ENGASE: variants seen among roughly 807,000 people sequenced by gnomAD.
ENGASE encodes cytosolic endo-beta-N-acetylglucosaminidase.
A neutral mutation model predicts 78.5 loss-of-function variants in ENGASE; 69 were observed. The observed-to-expected ratio is 0.88, with a 90% confidence interval of 0.72 to 1.07. The LOEUF is 1.07. Among genes scored for constraint, ENGASE ranks in the 50% least tolerant of loss-of-function variants. The pLI is 0.00. For synonymous variants in ENGASE, 408 were observed against 408.9 expected (o/e 1.00, Z 0.03); for missense variants, 943 against 988.4 (o/e 0.95, Z 0.62).
chr17:79,080,230 G>T lies in ENGASE; in HGVS notation c.589G>T (p.Glu197Ter), dbSNP rs761818260. 52 of 1,607,708 alleles carry T rather than the reference G, an allele frequency of 3.2e-5. No individual in the cohort carries two copies. Among genetic ancestry groups the T allele is most frequent in the Admixed American group, 5.1e-5 (3 of 59,078 alleles). Residue 197 changes from glutamate to a stop codon, truncating the protein, a stop_gained, in exon 5 of 14, where the codon GAA becomes TAA. Transcript: ENST00000579016. LOFTEE classifies it high-confidence loss of function. Reference protein sequence around the residue: ...VLGTFITEWNEGGRLCEAFLA... With the variant: ...VLGTFITEWN ...AGGGACTTTCATCACGGAGTGGAAT[G>T]AAGGGGGAAGGCTCTGTGAAGCCTT...
intron 5 of ENGASE, among the ~76,000 whole-genome samples, chr17:79,080,592 T>C (rs1414209578): frequency 6.6e-6 from 1 of 152,226 alleles, no homozygotes; most frequent in African/African-American, 2.4e-5. Context: ...GGCTCCCACG[T>C]TTCCCGCCCC....
chr17:79,083,444 T>G lies in ENGASE; in HGVS notation c.1143-38T>G. 6.6e-7 allele frequency: 1 copy of G among 1,524,038 alleles called. No homozygotes were observed. The highest frequency in any genetic ancestry group is 1.4e-5 in the African/African-American group (1 of 72,668). The allele number at this position is 1,524,038 out of a possible 1,614,324, so 94.4% of individuals were successfully genotyped here. A position where few individuals can be genotyped will look rare whatever the true frequency, so the allele number is the denominator to read the frequency against. On this transcript the variant is annotated intron_variant, in intron 8 of 13. Transcript: ENST00000579016. This position sits in a 1 kb window ranked among gnomAD's most constrained non-coding sequence, Gnocchi z 4.9. ...AGGGACACTGAGAGGCTCCCTCCCT[T>G]CCTCCGGACCGAGCTGTTGCCCCCA... is the stretch of plus-strand genomic sequence containing the variant.
chr17:79,080,491 C>A, intron 5 of ENGASE, 127 bp downstream of exon 5: 1 of 1,095,188 alleles, frequency 9.1e-7, no homozygotes, highest in Non-Finnish European at 1.3e-6. Context: ...AGAGCCACTT[C>A]TCGCCTCCCA....
At chr17:79,081,117 G>T in intron 6 of ENGASE, 44 bp downstream of exon 6, 1 of 1,522,608 alleles carries the variant, frequency 6.6e-7, no homozygotes. Flanking sequence ...GTGCCGTGGT[G>T]GGGGCGGGTA....
chr17:79,083,500 G>A lies in ENGASE; in HGVS notation c.1161G>A (p.Glu387=). Residue 387 remains glutamate (E), a synonymous_variant, in exon 9 of 14, where the codon GAG becomes GAA. Transcript: ENST00000579016. The surrounding 1 kb of genome is among the most constrained non-coding windows in gnomAD (Gnocchi z 4.9). The part of the protein sequence containing the change: ...QNQDKFWGRL[E]RYLPTHSICS... Reference sequence around the variant, plus strand: ...CTGGCAGGTTCTGGGGCCGACTGGAGCGTTATCTGCCCACACATAGCATCT... The same window carrying A: ...CTGGCAGGTTCTGGGGCCGACTGGAACGTTATCTGCCCACACATAGCATCT... 6.2e-7 allele frequency: 1 copy of A among 1,614,172 alleles called. No homozygotes were observed.
rs1231473835 is a variant in ENGASE at position 79,083,747 on chromosome 17, G to T, written c.1252-14G>T. 13 of 1,603,386 alleles carry T rather than the reference G, an allele frequency of 8.1e-6. No individual in the cohort carries two copies. The highest frequency in any genetic ancestry group is 1.1e-5 in the Non-Finnish European group (13 of 1,174,550). ...GGCCTCTGCTGAGTGCCCCTGTTCT[G>T]CCCTTTTCTTCAGGAAGAGGCGGTA... On this transcript the variant is annotated splice_polypyrimidine_tract_variant and intron_variant, in intron 9 of 13. Coordinates refer to ENST00000579016, the MANE Select transcript of ENGASE (RefSeq NM_001042573.3). This position sits in a 1 kb window ranked among gnomAD's most constrained non-coding sequence, Gnocchi z 4.9.
At chr17:79,084,071 G>C (rs1047530831) in intron 10 of ENGASE, 120 bp downstream of exon 10, 26 of 877,316 alleles carry the variant, frequency 3.0e-5, no homozygotes, top group Admixed American at 1.2e-4. Flanking sequence ...ACCCAGATGG[G>C]TTTTTTAAAA....
At position 79,083,971 on chromosome 17, in the gene ENGASE, C is replaced by T. The variant is rs2001247; in HGVS notation, c.1442+20C>T. 456 of 1,601,924 alleles carry T rather than the reference C, an allele frequency of 2.8e-4. No individual in the cohort carries two copies. The highest frequency in any genetic ancestry group is 3.5e-4 in the Non-Finnish European group (413 of 1,175,330). ...TGTGAGGTGGGTGAGTGACGGAGGA[C>T]GGTGGGCCCACCAGCTTCTCCCATC... On this transcript the variant is annotated intron_variant, in intron 10 of 13. Transcript: ENST00000579016. This position sits in a 1 kb window ranked among gnomAD's most constrained non-coding sequence, Gnocchi z 4.9.
At position 79,084,743 on chromosome 17, in the gene ENGASE, A is replaced by G. The variant is rs2073243127; in HGVS notation, c.1591+57A>G. 2.5e-6 allele frequency: 4 copies of G among 1,581,828 alleles called. No homozygotes were observed. In the East Asian group the frequency reaches 9.0e-5, roughly 36 times the overall value. On this transcript the variant is annotated intron_variant, in intron 11 of 13. Coordinates refer to ENST00000579016, the MANE Select transcript of ENGASE (RefSeq NM_001042573.3). Reference sequence around the variant, plus strand: ...CCAGGGCGGAGAGCTCAGGGAAGAGAAGTGTGGAGAGGCTCCTGGGGTGTG... The same window carrying G: ...CCAGGGCGGAGAGCTCAGGGAAGAGGAGTGTGGAGAGGCTCCTGGGGTGTG...
Position 79,077,396 on chromosome 17 carries a change from T to C in ENGASE, c.147-34T>C, listed in dbSNP as rs752227638. On this transcript the variant is annotated intron_variant, in intron 1 of 13. Transcript: ENST00000579016. ...TAAGTGTTCTTACCTATTTATGTTT[T>C]TATTTATAAATGTACAACTCCCTCT... 4 of 1,588,004 alleles carry C rather than the reference T, an allele frequency of 2.5e-6. No individual in the cohort carries two copies. The East Asian group carries it at 6.7e-5, about 27-fold the overall frequency.
chr17:79,077,904 C>A, intron 3 of ENGASE, 40 bp downstream of exon 3: 1 of 1,538,044 alleles, frequency 6.5e-7, no homozygotes, highest in Non-Finnish European at 8.8e-7. Context: ...TTACATTGTT[C>A]TCCTTTGCTG....
rs1393579542 is a variant in ENGASE at position 79,088,364 on chromosome 17, T to C, written c.*2015T>C. 1 of 152,178 alleles carries C rather than the reference T, an allele frequency of 6.6e-6. No homozygotes were observed. 9.4% of individuals were successfully genotyped at this position (152,178 alleles called of 1,614,324 possible). On this transcript the variant is annotated 3_prime_UTR_variant, in exon 14 of 14. Transcript: ENST00000579016. ...AGTGCTGGTTCCCCCGAATATTTTA[T>C]GCAGAGGAGGGAAAATTTATAGTGG...
Position 79,085,253 on chromosome 17 carries a change from CA to C in ENGASE, c.1612del (p.Ser538AlafsTer23). The C allele has an allele frequency of 6.2e-7, 1 of 1,613,492 alleles. No homozygotes were observed. The highest frequency in any genetic ancestry group is 8.5e-7 in the Non-Finnish European group (1 of 1,179,820). On this transcript the variant is annotated frameshift_variant, in exon 12 of 14. Coordinates refer to ENST00000579016, the MANE Select transcript of ENGASE (RefSeq NM_001042573.3). LOFTEE classifies it high-confidence loss of function. The stretch of plus-strand genomic sequence containing the variant: ...CTGCAGCAGAAACAAGCTCAAGACA[CA>C]GCCTCCGACCCCTCCGGGTGCCCCC... ...VLNAETSSRH[S>X]LRPLRVPPTK...
rs368162113 is a variant in ENGASE at position 79,083,149 on chromosome 17, A to C, written c.1142+26A>C. 58 of 1,539,416 alleles carry C rather than the reference A, an allele frequency of 3.8e-5. No individual in the cohort carries two copies. Among genetic ancestry groups the C allele is most frequent in the Non-Finnish European group, 4.3e-5 (48 of 1,115,158 alleles). On this transcript the variant is annotated intron_variant, in intron 8 of 13. Transcript: ENST00000579016. The surrounding 1 kb of genome is among the most constrained non-coding windows in gnomAD (Gnocchi z 4.9). Reference sequence around the variant, plus strand: ...GTGAGTCCTGCTGTCCTGGGTGCTTAGTGCAGGCTGATGGGAGGGAGGGGT... The same window carrying C: ...GTGAGTCCTGCTGTCCTGGGTGCTTCGTGCAGGCTGATGGGAGGGAGGGGT...
rs371299098 is a variant in ENGASE at position 79,077,500 on chromosome 17, G to A, written c.214+3G>A. 1.2e-5 allele frequency: 19 copies of A among 1,552,446 alleles called. No homozygotes were observed. Among genetic ancestry groups the A allele is most frequent in the African/African-American group, 2.8e-5 (2 of 72,592 alleles). On this transcript the variant is annotated splice_donor_region_variant and intron_variant, in intron 2 of 13. Transcript: ENST00000579016. ...TTTTTCCCCGGACCCCCTGCCAGGT[G>A]AGGAGACAGAGGCTCTGAATACCGA...
chr17:79,081,438 C>T (rs1020306370), intron 6 of ENGASE, among the ~76,000 whole-genome samples: 4 of 152,068 alleles, frequency 2.6e-5, no homozygotes, highest in Admixed American at 6.5e-5. Flanking sequence ...GGAGGCGGAG[C>T]TTGCAGTGAG....
chr17:79,086,263 C>A lies in ENGASE; in HGVS notation c.2146C>A (p.Leu716Met). Reference sequence around the variant, plus strand: ...CGGCCAGGATCGTCGCATGGAATTTCTGGTGGAGCCTGTCCCCAAGGAAGG... The same window carrying A: ...CGGCCAGGATCGTCGCATGGAATTTATGGTGGAGCCTGTCCCCAAGGAAGG... ...GPGQDRRMEF[L>M]VEPVPKEGFR... Residue 716 changes from leucine to methionine, a missense_variant, in exon 14 of 14, where the codon CTG (leucine) becomes ATG (methionine). Physicochemically the swap from Leu to Met is conservative, Grantham distance 15 (BLOSUM62 2). Coordinates refer to ENST00000579016, the MANE Select transcript of ENGASE (RefSeq NM_001042573.3). 1 of 1,613,638 alleles carries A rather than the reference C, an allele frequency of 6.2e-7. No homozygotes were observed. Among genetic ancestry groups the A allele is most frequent in the South Asian group, 1.1e-5 (1 of 91,088 alleles).
Position 79,084,459 on chromosome 17 carries a change from C to T in ENGASE, c.1443-79C>T, listed in dbSNP as rs1332407424. ...GGCCCCCTGTTCCTGGAGGGAGGGG[C>T]TGGTGGACGCGATTTGGAGCTGGCT... is the stretch of plus-strand genomic sequence containing the variant. On this transcript the variant is annotated intron_variant, in intron 10 of 13. Transcript: ENST00000579016. 3.6e-6 allele frequency: 5 copies of T among 1,392,782 alleles called. No individual in the cohort carries two copies. The East Asian group carries it at 1.3e-4, about 36-fold the overall frequency. The allele number at this position is 1,392,782 out of a possible 1,614,324, so 86.3% of individuals were successfully genotyped here. A position where few individuals can be genotyped will look rare whatever the true frequency, so the allele number is the denominator to read the frequency against.
At chr17:79,085,590 C>A (rs200861947) in intron 12 of ENGASE, 30 bp from the exon 13 acceptor site, 32 of 1,610,654 alleles carry the variant, frequency 2.0e-5, no homozygotes, top group East Asian at 4.5e-5. Flanking sequence ...GGGCTGAGCC[C>A]GGCCAGTGAT....
Sources: allele counts gnomAD v4.1 joint callset (sites outside exome capture counted in the v4.1 genomes callset), GRCh38; gene constraint gnomAD v4.1.1; non-coding constraint Gnocchi (gnomAD v3.1); transcripts MANE v1.5; gene names NCBI Gene and HGNC (gene_info 2026-07-23, HGNC 2026-07-21).